The following HHIP variants were observed in gnomAD, a reference collection of about 807,000 sequenced individuals.
The protein encoded by HHIP is hedgehog-interacting protein.
HHIP carries 12 observed loss-of-function variants against 74.0 expected under a neutral mutation model. That is an observed-to-expected ratio of 0.16 (90% CI 0.10 to 0.26). The LOEUF is 0.26. HHIP is among the 10% of genes least tolerant of loss of function. The pLI is 1.00. For synonymous variants in HHIP, 309 were observed against 311.6 expected, an observed-to-expected ratio of 0.99 and a Z score of 0.09; for missense variants, 788 against 845.0, an observed-to-expected ratio of 0.93 and a Z score of 0.84.
intron 11 of HHIP, among the ~76,000 whole-genome samples, chr4:144,733,349 T>A (rs979439799): frequency 6.6e-6 from 1 of 152,192 alleles, no homozygotes; most frequent in Admixed American, 6.5e-5. Context: ...ACTTTCGACA[T>A]AGAGTGGGAC....
chr4:144,697,747 TA>T (rs1292216818), intron 4 of HHIP, among the ~76,000 whole-genome samples: 8 of 152,104 alleles, frequency 5.3e-5, no homozygotes, highest in Non-Finnish European at 1.2e-4. Context: ...CTCTAATAGT[TA>T]TAAGTATATA....
chr4:144,719,152 T>C (rs944764246), intron 11 of HHIP, among the ~76,000 whole-genome samples, 196 bp downstream of exon 11: 1 of 152,194 alleles, frequency 6.6e-6, no homozygotes, highest in Non-Finnish European at 1.5e-5. Flanking sequence ...TGCAGAACTT[T>C]AAAAGCTCAT....
chr4:144,734,781 G>T lies in HHIP; in HGVS notation c.1801G>T (p.Ala601Ser). Residue 601 changes from alanine (A) to serine (S), a missense_variant, in exon 12 of 13, where the codon GCA becomes TCA. Transcript: ENST00000296575. ...GGAATGCAGAGCCACGGTACAACCT[G>T]CACAGACACTGACTTCAGAGTGCTC... ...PEECRATVQP[A>S]QTLTSECSRL... 1 of 1,611,028 alleles carries T rather than the reference G, an allele frequency of 6.2e-7. No individual in the cohort carries two copies. Among genetic ancestry groups the T allele is most frequent in the Admixed American group, 1.7e-5 (1 of 59,984 alleles).
At chr4:144,706,260 G>A (rs1042247419) in intron 4 of HHIP, among the ~76,000 whole-genome samples, 1 of 152,156 alleles carries the variant, frequency 6.6e-6, no homozygotes, top group Non-Finnish European at 1.5e-5. Context: ...AGCGGCCCAA[G>A]ATTACATACA....
At chr4:144,734,547 CTGGT>C (rs1731052385) in intron 11 of HHIP, among the ~76,000 whole-genome samples, 190 bp from the exon 12 acceptor site, 1 of 151,510 alleles carries the variant, frequency 6.6e-6, no homozygotes, top group African/African-American at 2.4e-5. Context: ...GGGTTACAAA[CTGGT>C]TAGTTTGTTT....
chr4:144,733,655 G>T (rs979731433), intron 11 of HHIP, among the ~76,000 whole-genome samples: 5 of 152,064 alleles, frequency 3.3e-5, no homozygotes, highest in African/African-American at 1.2e-4. Flanking sequence ...CCATTTGCTT[G>T]GCCGTCCTAA....
chr4:144,662,437 GTCTGCAGTTCCCAGAGAAAAAGTTAA>G (rs1560696470), intron 4 of HHIP, among the ~76,000 whole-genome samples: 1 of 152,194 alleles, frequency 6.6e-6, no homozygotes, highest in African/African-American at 2.4e-5. Flanking sequence ...GGGCTAAACT[GTCTGCAGTTCCCAGAGAAAAAGTTAA>G]TCTGCAAAAA....
At position 144,706,673 on chromosome 4, in the gene HHIP, C is replaced by T. The variant is rs1487570120; in HGVS notation, c.974C>T (p.Thr325Ile). 3.1e-6 allele frequency: 5 copies of T among 1,610,244 alleles called. No homozygotes were observed. In the African/African-American group the frequency reaches 6.7e-5, roughly 22 times the overall value. The change falls in exon 5 of 13, where the codon ACA (threonine) becomes ATA (isoleucine). Residue 325 changes from threonine (T) to isoleucine (I), a missense_variant. Around this residue, in one of 3 missense-constraint regions of HHIP, gnomAD observed 72 missense variants for 130.6 expected, o/e 0.55. Coordinates refer to ENST00000296575, the MANE Select transcript of HHIP (RefSeq NM_022475.3). Reference protein sequence around the residue: ...HDHILRVVEYTVSRKNPHQVD... With the variant: ...HDHILRVVEYIVSRKNPHQVD... The stretch of plus-strand genomic sequence containing the variant: ...CACATTCTTAGGGTTGTGGAATACA[C>T]AGTATCCAGGTATCACTAAAAGGCA...
Position 144,738,257 on chromosome 4 carries a change from A to AT in HHIP, c.*306dup, listed in dbSNP as rs1008065522. On this transcript the variant is annotated 3_prime_UTR_variant, in exon 13 of 13. Transcript: ENST00000296575. ...AAATTCCATTGTAAATTGATAATGGATTTTTTATGTTACTAGAAGAGATTA... is the reference window on the plus strand; with the variant it reads ...AAATTCCATTGTAAATTGATAATGGATTTTTTTATGTTACTAGAAGAGATTA... 3 of 998,538 alleles carry AT rather than the reference A, an allele frequency of 3.0e-6. No individual in the cohort carries two copies. Among genetic ancestry groups the AT allele is most frequent in the Non-Finnish European group, 3.6e-6 (3 of 836,110 alleles). 61.9% of individuals were successfully genotyped at this position (998,538 alleles called of 1,614,324 possible). A position where few individuals can be genotyped will look rare whatever the true frequency, so the allele number is the denominator to read the frequency against.
chr4:144,677,333 C>T (rs57611542), intron 4 of HHIP, among the ~76,000 whole-genome samples: 5,190 of 152,256 alleles, frequency 0.034, 298 homozygotes, highest in African/African-American at 0.12. Flanking sequence ...TTTTACTTTC[C>T]CCCGTGTTGG....
intron 4 of HHIP, among the ~76,000 whole-genome samples, chr4:144,673,931 T>C (rs145121110): frequency 6.6e-6 from 1 of 152,320 alleles, no homozygotes; most frequent in Non-Finnish European, 1.5e-5. Context: ...TCTGAATCTA[T>C]GGAAGTTAAT....
Position 144,741,130 on chromosome 4 carries a change from A to G in HHIP, c.*3173A>G, listed in dbSNP as rs1731252151. On this transcript the variant is annotated 3_prime_UTR_variant, in exon 13 of 13. Transcript: ENST00000296575. ...TTCTTCTTGGATTTTTTTCAATGTA[A>G]TTATTGTAAAATATATTTTTTTATT... 1 of 74,458 alleles carries G rather than the reference A, an allele frequency of 1.3e-5. No individual in the cohort carries two copies. The highest frequency in any genetic ancestry group is 2.0e-4 in the Admixed American group (1 of 5,006). The allele number at this position is 74,458 out of a possible 1,614,324, so 4.6% of individuals were successfully genotyped here. A position where few individuals can be genotyped will look rare whatever the true frequency, so the allele number is the denominator to read the frequency against.
chr4:144,738,373 T>A lies in HHIP; in HGVS notation c.*416T>A, dbSNP rs138411352. 1,911 of 975,940 alleles carry A rather than the reference T, an allele frequency of 2.0e-3. 35 individuals carry two copies. In the African/African-American group the frequency reaches 0.028, roughly 14 times the overall value. 60.5% of individuals were successfully genotyped at this position (975,940 alleles called of 1,614,324 possible). A position where few individuals can be genotyped will look rare whatever the true frequency, so the allele number is the denominator to read the frequency against. On this transcript the variant is annotated 3_prime_UTR_variant, in exon 13 of 13. Coordinates refer to ENST00000296575, the MANE Select transcript of HHIP (RefSeq NM_022475.3). ...TACTGTGCAATCCGATGGATCTAAT[T>A]AAAAAAAAGGCAATATTTTTATATT...
At position 144,646,775 on chromosome 4, in the gene HHIP, G is replaced by A. The variant is rs1728271755; in HGVS notation, c.100G>A (p.Ala34Thr). ...KFGERNEGSG[A>T]RRRRCLNGNP... ...TGGGGAAAGAAACGAAGGGAGCGGA[G>A]CAAGGAGGAGAAGGTGCCTGAATGG... Residue 34 changes from alanine to threonine, a missense_variant, in exon 1 of 13, where the codon GCA becomes ACA. Physicochemically the swap from Ala to Thr is moderately conservative, Grantham distance 58. Transcript: ENST00000296575. The A allele has an allele frequency of 1.2e-6, 2 of 1,614,088 alleles. No individual in the cohort carries two copies. Among genetic ancestry groups the A allele is most frequent in the Non-Finnish European group, 1.7e-6 (2 of 1,180,058 alleles).
At chr4:144,660,166 T>C (rs1291170620) in intron 4 of HHIP, 3 of 370,000 alleles carry the variant, frequency 8.1e-6, no homozygotes, top group Non-Finnish European at 1.4e-5. Context: ...TACATCAGCA[T>C]TTGCTAGTAG....
At position 144,737,863 on chromosome 4, in the gene HHIP, A is replaced by T. The variant is rs200467082; in HGVS notation, c.2009A>T (p.Asp670Val). Residue 670 changes from aspartate to valine, a missense_variant, in exon 13 of 13, where the codon GAC becomes GTC. Around this residue, in one of 3 missense-constraint regions of HHIP, gnomAD observed 343 missense variants for 347.9 expected, o/e 0.99. Coordinates refer to ENST00000296575, the MANE Select transcript of HHIP (RefSeq NM_022475.3). Reference protein sequence around the residue: ...GYLGPQCEQVDRNIRRVTRAG... With the variant: ...GYLGPQCEQVVRNIRRVTRAG... ...CTTGGTCCTCAATGTGAACAAGTGG[A>T]CAGAAACATCCGCAGAGTGACCAGG... 1 of 1,613,900 alleles carries T rather than the reference A, an allele frequency of 6.2e-7. No homozygotes were observed. Among genetic ancestry groups the T allele is most frequent in the Non-Finnish European group, 8.5e-7 (1 of 1,179,880 alleles).
Position 144,737,915 on chromosome 4 carries a change from C to A in HHIP, c.2061C>A (p.Asp687Glu). The A allele has an allele frequency of 2.5e-6, 4 of 1,612,496 alleles. No homozygotes were observed. Among genetic ancestry groups the A allele is most frequent in the Non-Finnish European group, 3.4e-6 (4 of 1,179,146 alleles). ...CAGGTATTCTTGATCAGATCATTGA[C>A]ATGACATCTTACTTGCTGGATCTAA... ...TRAGILDQIIDMTSYLLDLTS... is the reference protein window; with the variant it reads ...TRAGILDQIIEMTSYLLDLTS... Residue 687 changes from aspartate to glutamate, a missense_variant, in exon 13 of 13, where the codon GAC becomes GAA. By Grantham distance (45) the Asp-to-Glu change is conservative. This residue lies in a region of HHIP where 343 missense variants were observed against 347.9 expected (regional missense o/e 0.99). Coordinates refer to ENST00000296575, the MANE Select transcript of HHIP (RefSeq NM_022475.3).
At chr4:144,700,899 C>T (rs1455063050) in intron 4 of HHIP, among the ~76,000 whole-genome samples, 1 of 152,152 alleles carries the variant, frequency 6.6e-6, no homozygotes, top group Non-Finnish European at 1.5e-5. Context: ...TTTGAACTAA[C>T]AGTTCTCAAA....
Position 144,659,707 on chromosome 4 carries a change from C to A in HHIP, c.700C>A (p.His234Asn). The change falls in exon 4 of 13, where the codon CAT becomes AAT. Residue 234 changes from histidine to asparagine, a missense_variant. This residue lies in a region of HHIP where 373 missense variants were observed against 366.4 expected (regional missense o/e 1.02). Coordinates refer to ENST00000296575, the MANE Select transcript of HHIP (RefSeq NM_022475.3). Reference protein sequence around the residue: ...SGLRQPVGALHSGDGSQRLFI... With the variant: ...SGLRQPVGALNSGDGSQRLFI... ...GCTGCGGCAGCCCGTTGGTGCCCTG[C>A]ATAGTGGGGATGGCTCGCAACGTCT... 5 of 1,607,610 alleles carry A rather than the reference C, an allele frequency of 3.1e-6. No individual in the cohort carries two copies. The highest frequency in any genetic ancestry group is 4.2e-6 in the Non-Finnish European group (5 of 1,177,650).
Sources: allele counts gnomAD v4.1 joint callset (sites outside exome capture counted in the v4.1 genomes callset), GRCh38; gene constraint gnomAD v4.1.1; regional missense constraint gnomAD v4.1.1; transcripts MANE v1.5; gene names NCBI Gene and HGNC (gene_info 2026-07-23, HGNC 2026-07-21).